GUCY1B1: variants seen among roughly 807,000 people sequenced by gnomAD.
GUCY1B1 encodes the protein guanylate cyclase 1 soluble subunit beta 1.
A neutral mutation model predicts 71.0 loss-of-function variants in GUCY1B1; 43 were observed. That is an observed-to-expected ratio of 0.61 (90% CI 0.47 to 0.78). The LOEUF is 0.78. Ranked by LOEUF, GUCY1B1 falls within the 30% of genes least tolerant of loss-of-function variation. The pLI is 0.00. For synonymous variants in GUCY1B1, 266 were observed against 259.7 expected, an observed-to-expected ratio of 1.02 and a Z score of -0.23; for missense variants, 535 against 754.1, an observed-to-expected ratio of 0.71 and a Z score of 3.40.
rs369781139 is a variant in GUCY1B1, at chr4:155,804,740, A to G, written c.1702A>G (p.Thr568Ala). Reference sequence around the variant, plus strand: ...GGGAAAAATAAATGTGTCTGAATATACATACAGGTGAGAGAAAATGTCTTG... The same window carrying G: ...GGGAAAAATAAATGTGTCTGAATATGCATACAGGTGAGAGAAAATGTCTTG... ...EKGKINVSEY[T>A]YRCLMSPENS... The change falls in exon 12 of 14, where the codon ACA becomes GCA. Residue 568 changes from threonine to alanine, a missense_variant. Transcript: ENST00000264424. 2 of 1,611,596 alleles carry G rather than the reference A, an allele frequency of 1.2e-6. No homozygotes were observed. Among genetic ancestry groups the G allele is most frequent in the African/African-American group, 1.3e-5 (1 of 74,868 alleles).
At chr4:155,790,371 G>GTTTGAT (rs1335216377) in intron 5 of GUCY1B1, among the ~76,000 whole-genome samples, 14 of 152,322 alleles carry the variant, frequency 9.2e-5, no homozygotes, top group African/African-American at 3.4e-4. Context: ...GAATGAAAGT[G>GTTTGAT]TTTGTTTTTG....
chr4:155,768,027 G>A (rs1167261316), intron 2 of GUCY1B1, among the ~76,000 whole-genome samples: 1 of 152,066 alleles, frequency 6.6e-6, no homozygotes, highest in Non-Finnish European at 1.5e-5. Context: ...TGATAATGTT[G>A]TTTATGGGAT....
At chr4:155,801,256 T>G (rs1739933472) in intron 9 of GUCY1B1, among the ~76,000 whole-genome samples, 1 of 152,170 alleles carries the variant, frequency 6.6e-6, no homozygotes, top group Non-Finnish European at 1.5e-5. Flanking sequence ...CCAAGGTGGG[T>G]TTCACATTCA....
At chr4:155,775,860 G>A (rs1037171416) in intron 3 of GUCY1B1, among the ~76,000 whole-genome samples, 4 of 152,182 alleles carry the variant, frequency 2.6e-5, no homozygotes, top group African/African-American at 9.7e-5. Flanking sequence ...TCTCAAAGTA[G>A]TATCTATTAT....
chr4:155,803,062 A>T (rs1251114565), intron 10 of GUCY1B1, among the ~76,000 whole-genome samples: 1 of 152,212 alleles, frequency 6.6e-6, no homozygotes, highest in Non-Finnish European at 1.5e-5. Flanking sequence ...TTTAGAAATA[A>T]ATATAATATT....
At position 155,802,430 on chromosome 4, in the gene GUCY1B1, A is replaced by G. The variant is rs775146131; in HGVS notation, c.1264A>G (p.Ile422Val). The change falls in exon 10 of 14, where the codon ATC becomes GTC. Residue 422 changes from isoleucine to valine, a missense_variant. By Grantham distance (29) the Ile-to-Val change is conservative (BLOSUM62 3). Coordinates refer to ENST00000264424, the MANE Select transcript of GUCY1B1 (RefSeq NM_000857.5). The surrounding 1 kb of genome is among the most constrained non-coding windows in gnomAD (Gnocchi z 4.3). ...TGCCAAAAGATATGACAATGTGACC[A>G]TCCTCTTTAGTGGCATTGTGGGCTT... ...VPAKRYDNVTILFSGIVGFNA... is the reference protein window; with the variant it reads ...VPAKRYDNVTVLFSGIVGFNA... 1.2e-6 allele frequency: 2 copies of G among 1,613,800 alleles called. No homozygotes were observed. The highest frequency in any genetic ancestry group is 1.7e-6 in the Non-Finnish European group (2 of 1,179,762).
At chr4:155,775,705 GTATAA>G (rs1326504748) in intron 3 of GUCY1B1, among the ~76,000 whole-genome samples, 2 of 152,188 alleles carry the variant, frequency 1.3e-5, no homozygotes, top group Non-Finnish European at 2.9e-5. Flanking sequence ...AGTTATTCAA[GTATAA>G]TATGTGTTTC....
intron 9 of GUCY1B1, among the ~76,000 whole-genome samples, chr4:155,800,318 T>C (rs948244741): frequency 6.6e-6 from 1 of 152,244 alleles, no homozygotes; most frequent in Non-Finnish European, 1.5e-5. Flanking sequence ...CAAAATATCT[T>C]TTGGAAAATC....
chr4:155,783,212 T>C (rs1738554953), intron 4 of GUCY1B1, among the ~76,000 whole-genome samples: 1 of 152,334 alleles, frequency 6.6e-6, no homozygotes, highest in Admixed American at 6.5e-5. Flanking sequence ...TTTGATAAGA[T>C]AATCTATTAC....
In GUCY1B1 at chr4:155,793,984, C is replaced by G. The variant is rs373595864; in HGVS notation, c.624C>G (p.Ile208Met). ...AAAATGGTACCCAGGAATCACGCAT[C>G]AGCCCATATACATTCTGCAAAGCTT... The part of the protein sequence containing the change: ...FEENGTQESR[I>M]SPYTFCKAFP... The change falls in exon 6 of 14, where the codon ATC becomes ATG. Residue 208 changes from isoleucine to methionine, a missense_variant. Coordinates refer to ENST00000264424, the MANE Select transcript of GUCY1B1 (RefSeq NM_000857.5). 1.9e-6 allele frequency: 3 copies of G among 1,610,774 alleles called. No homozygotes were observed. The African/African-American group carries it at 4.0e-5, about 22-fold the overall frequency.
intron 2 of GUCY1B1, among the ~76,000 whole-genome samples, chr4:155,761,747 T>C (rs1737011597): frequency 6.6e-6 from 1 of 152,250 alleles, no homozygotes. Context: ...TAAAAAATTA[T>C]TTATTAACTT....
chr4:155,773,684 T>C (rs1473470407), intron 2 of GUCY1B1, among the ~76,000 whole-genome samples: 1 of 152,104 alleles, frequency 6.6e-6, no homozygotes, highest in East Asian at 1.9e-4. Context: ...CCTCCTTGAG[T>C]CCTCTCTTTT....
At chr4:155,771,226 A>G (rs1240219196) in intron 2 of GUCY1B1, among the ~76,000 whole-genome samples, 1 of 152,198 alleles carries the variant, frequency 6.6e-6, no homozygotes, top group Non-Finnish European at 1.5e-5. Flanking sequence ...CCTTCCATGT[A>G]CTACTGTTTA....
At chr4:155,772,615 T>C in intron 2 of GUCY1B1, 1 of 682,576 alleles carries the variant, frequency 1.5e-6, no homozygotes, top group South Asian at 1.5e-5. Context: ...AGAAGAGGTC[T>C]TGGTATGTCG....
chr4:155,775,059 A>G lies in GUCY1B1; in HGVS notation c.169A>G (p.Lys57Glu). ...KTYDLVAAASKVLNLNAGEIL... is the reference protein window; with the variant it reads ...KTYDLVAAASEVLNLNAGEIL... ...TTATGATTTGGTTGCTGCTGCAAGC[A>G]AAGTCCTCAGTAAGTTGAATGCAAC... Residue 57 changes from lysine (K) to glutamate (E), a missense_variant, in exon 3 of 14, where the codon AAA becomes GAA. By Grantham distance (56) the Lys-to-Glu change is moderately conservative (BLOSUM62 1). Coordinates refer to ENST00000264424, the MANE Select transcript of GUCY1B1 (RefSeq NM_000857.5). 6.4e-7 allele frequency: 1 copy of G among 1,570,594 alleles called. No homozygotes were observed. Among genetic ancestry groups the G allele is most frequent in the Non-Finnish European group, 8.8e-7 (1 of 1,140,886 alleles).
intron 2 of GUCY1B1, among the ~76,000 whole-genome samples, chr4:155,772,949 A>G (rs1737794054): frequency 6.6e-6 from 1 of 152,218 alleles, no homozygotes; most frequent in Non-Finnish European, 1.5e-5. Flanking sequence ...CACCATTTGG[A>G]ATTTTTCCCT....
chr4:155,759,252 C>A, intron 1 of GUCY1B1, 109 bp downstream of exon 1: 2 of 1,076,786 alleles, frequency 1.9e-6, no homozygotes, highest in South Asian at 1.5e-5. Flanking sequence ...CCTGGGCGCT[C>A]ACTGCCGGCC....
rs1272154677 is a variant in GUCY1B1 at position 155,803,725 on chromosome 4, A to T, written c.1515A>T (p.Glu505Asp). 6.2e-7 allele frequency: 1 copy of T among 1,600,956 alleles called. No individual in the cohort carries two copies. Among genetic ancestry groups the T allele is most frequent in the Non-Finnish European group, 8.5e-7 (1 of 1,173,568 alleles). The change falls in exon 11 of 14, where the codon GAA becomes GAT. Residue 505 changes from glutamate to aspartate, a missense_variant. Glu to Asp is a conservative substitution (Grantham distance 45). Transcript: ENST00000264424. The part of the protein sequence containing the change: ...SICHLALDMM[E>D]IAGQVQVDGE... Reference sequence around the variant, plus strand: ...GCCACCTGGCCTTGGACATGATGGAAATTGCTGGCCAGGTTCAAGTAGATG... The same window carrying T: ...GCCACCTGGCCTTGGACATGATGGATATTGCTGGCCAGGTTCAAGTAGATG...
At chr4:155,779,569 G>A (rs1393655900) in intron 4 of GUCY1B1, among the ~76,000 whole-genome samples, 2 of 152,098 alleles carry the variant, frequency 1.3e-5, no homozygotes, top group African/African-American at 2.4e-5. Flanking sequence ...TTAGAATACT[G>A]TAGTTTTCAT....
Sources: allele counts gnomAD v4.1 joint callset (sites outside exome capture counted in the v4.1 genomes callset), GRCh38; gene constraint gnomAD v4.1.1; non-coding constraint Gnocchi (gnomAD v3.1); transcripts MANE v1.5; gene names NCBI Gene and HGNC (gene_info 2026-07-23, HGNC 2026-07-21).